Variants in PHACTR1 observed in about 807,000 individuals in gnomAD.
The protein encoded by PHACTR1 is phosphatase and actin regulator 1.
Under a neutral mutation model 69.2 loss-of-function variants are expected in PHACTR1, and 16 were observed. That is an observed-to-expected ratio of 0.23 (90% CI 0.16 to 0.35). The LOEUF is 0.35. Ranked by LOEUF, PHACTR1 falls within the 10% of genes least tolerant of loss-of-function variation. The probability of loss-of-function intolerance (pLI) is 1.00; values close to 1 mark genes in which losing one functional copy is unlikely to be tolerated. For missense variants in PHACTR1, 510 were observed against 734.7 expected (o/e 0.69, Z 3.54); for synonymous variants, 312 against 284.5 (o/e 1.10, Z -0.97).
chr6:12,983,609 C>T (rs1033835873), intron 4 of PHACTR1, among the ~76,000 whole-genome samples: 2 of 152,084 alleles, frequency 1.3e-5, no homozygotes, highest in African/African-American at 4.8e-5. Flanking sequence ...AGGTTTGTTA[C>T]ATATGTATCC....
intron 6 of PHACTR1, among the ~76,000 whole-genome samples, chr6:13,173,857 G>A (rs181099910): frequency 5.3e-5 from 8 of 152,248 alleles, no homozygotes; most frequent in East Asian, 1.9e-4. Context: ...ACAGGCATGC[G>A]CCACAACGCC....
chr6:13,245,771 G>A lies in PHACTR1; in HGVS notation c.1391+15578G>A, dbSNP rs1054311052. Among the ~76,000 whole-genome samples the A allele has an allele frequency of 1.3e-5, 2 of 152,084 alleles. No individual in the cohort carries two copies. The highest frequency in any genetic ancestry group is 2.9e-5 in the Non-Finnish European group (2 of 68,002). On this transcript the variant is annotated intron_variant, in intron 10 of 14. Coordinates refer to ENST00000332995, the MANE Select transcript of PHACTR1 (RefSeq NM_030948.6). The surrounding 1 kb of genome is among the most constrained non-coding windows in gnomAD (Gnocchi z 4.1). Reference sequence around the variant, plus strand: ...GGTATTTCCTAGGTTATCTTCCAGGGTTTTTATAGTTTTAGGTTTTAAGTC... The same window carrying A: ...GGTATTTCCTAGGTTATCTTCCAGGATTTTTATAGTTTTAGGTTTTAAGTC...
chr6:12,933,687 C>CT, intron 4 of PHACTR1: 1 of 1,612,830 alleles, frequency 6.2e-7, no homozygotes, highest in Non-Finnish European at 8.5e-7. Context: ...GCAGTGCCAA[C>CT]TCTTGGGCGT....
intron 5 of PHACTR1, among the ~76,000 whole-genome samples, chr6:13,090,004 A>G (rs1329437641): frequency 6.6e-6 from 1 of 152,194 alleles, no homozygotes; most frequent in Non-Finnish European, 1.5e-5. Context: ...CCAGAAGCTA[A>G]GTAGTATAAT....
At chr6:12,934,966 A>C (rs1372479166) in intron 4 of PHACTR1, among the ~76,000 whole-genome samples, 1 of 152,200 alleles carries the variant, frequency 6.6e-6, no homozygotes, top group Non-Finnish European at 1.5e-5. Context: ...TCCCAGCTCT[A>C]TCCCTCACCA....
intron 4 of PHACTR1, among the ~76,000 whole-genome samples, chr6:12,943,026 A>G (rs1790210177): frequency 6.6e-6 from 1 of 152,248 alleles, no homozygotes; most frequent in Non-Finnish European, 1.5e-5. Context: ...CAGATATCCT[A>G]AAGAATTAGA....
intron 4 of PHACTR1, among the ~76,000 whole-genome samples, chr6:12,753,927 C>A (rs533256219): frequency 4.0e-5 from 6 of 149,168 alleles, no homozygotes; most frequent in African/African-American, 1.2e-4. Context: ...TGAGAACTGT[C>A]CCTAGGCAAG....
At chr6:13,128,667 C>T (rs1819930709) in intron 5 of PHACTR1, among the ~76,000 whole-genome samples, 1 of 151,724 alleles carries the variant, frequency 6.6e-6, no homozygotes, top group East Asian at 1.9e-4. Flanking sequence ...AATCACCAAA[C>T]CTAAGAATAA....
At chr6:13,163,929 A>G (rs1759411993) in intron 6 of PHACTR1, among the ~76,000 whole-genome samples, 1 of 152,034 alleles carries the variant, frequency 6.6e-6, no homozygotes, top group Admixed American at 6.6e-5. Context: ...TGGTAGTCTC[A>G]TCATCATCAT....
intron 4 of PHACTR1, among the ~76,000 whole-genome samples, chr6:12,959,047 C>A (rs1792283581): frequency 6.6e-6 from 1 of 151,758 alleles, no homozygotes; most frequent in African/African-American, 2.4e-5. Flanking sequence ...TGTGGTGGCA[C>A]ACACCTGTAG....
chr6:12,953,958 T>C (rs2127556622), intron 4 of PHACTR1, among the ~76,000 whole-genome samples: 1 of 152,300 alleles, frequency 6.6e-6, no homozygotes, highest in East Asian at 1.9e-4. Flanking sequence ...TATAGTTGAA[T>C]GTGATAAAAG....
rs1806290168 is a variant in PHACTR1, at chr6:13,053,424, A to T, written c.310A>T (p.Thr104Ser). 6.2e-7 allele frequency: 1 copy of T among 1,613,670 alleles called. No homozygotes were observed. Among genetic ancestry groups the T allele is most frequent in the Non-Finnish European group, 8.5e-7 (1 of 1,179,762 alleles). ...RSDSLVPGTHTPPIRRRSKFA... is the reference protein window; with the variant it reads ...RSDSLVPGTHSPPIRRRSKFA... ...TGACTCCCTCGTCCCAGGCACCCAC[A>T]CCCCACCCATCCGCAGGAGAAGTAA... Residue 104 changes from threonine to serine, a missense_variant, in exon 5 of 15, where the codon ACC (threonine) becomes TCC (serine). Thr to Ser is a moderately conservative substitution (Grantham distance 58). This residue lies in a region of PHACTR1 where 419 missense variants were observed against 530.9 expected (regional missense o/e 0.79). Coordinates refer to ENST00000332995, the MANE Select transcript of PHACTR1 (RefSeq NM_030948.6).
intron 10 of PHACTR1, among the ~76,000 whole-genome samples, chr6:13,255,652 G>A (rs901593882): frequency 4.6e-5 from 7 of 152,188 alleles, no homozygotes; most frequent in African/African-American, 1.7e-4. Context: ...GGGGCTACAG[G>A]CCCCATGTAA....
intron 4 of PHACTR1, among the ~76,000 whole-genome samples, chr6:12,829,273 A>G (rs1581956544): frequency 6.6e-6 from 1 of 152,216 alleles, no homozygotes; most frequent in African/African-American, 2.4e-5. Context: ...GAAAAACAAC[A>G]GCATAGAGGC....
Position 12,890,081 on chromosome 6 carries a change from C to T in PHACTR1, c.250+140291C>T, listed in dbSNP as rs570499661. On this transcript the variant is annotated intron_variant, in intron 4 of 14. Coordinates refer to ENST00000332995, the MANE Select transcript of PHACTR1 (RefSeq NM_030948.6). Reference sequence around the variant, plus strand: ...GAGCGAGGGCTAGTGAGCATTCCCGCCTGAGCTCCATCTCCTACCAAATCA... The same window carrying T: ...GAGCGAGGGCTAGTGAGCATTCCCGTCTGAGCTCCATCTCCTACCAAATCA... Among the ~76,000 whole-genome samples the T allele has an allele frequency of 2.6e-5, 4 of 152,206 alleles. No individual in the cohort carries two copies. In the South Asian group the frequency reaches 8.3e-4, roughly 32 times the overall value.
intron 4 of PHACTR1, among the ~76,000 whole-genome samples, chr6:12,874,216 T>C (rs1460729100): frequency 6.6e-6 from 1 of 152,188 alleles, no homozygotes; most frequent in Non-Finnish European, 1.5e-5. Flanking sequence ...ATCCAGGTAA[T>C]GTCAGTGTTG....
chr6:12,746,870 T>A (rs1040194973), intron 3 of PHACTR1, among the ~76,000 whole-genome samples: 3 of 152,138 alleles, frequency 2.0e-5, no homozygotes, highest in Non-Finnish European at 2.9e-5. Flanking sequence ...GAATTCCAAA[T>A]TCTGAACAAT....
intron 5 of PHACTR1, among the ~76,000 whole-genome samples, chr6:13,151,874 T>G (rs1227793205): frequency 6.6e-6 from 1 of 152,182 alleles, no homozygotes; most frequent in Non-Finnish European, 1.5e-5. Context: ...TCTTGATTTC[T>G]TGAGTTTTTT....
intron 4 of PHACTR1, among the ~76,000 whole-genome samples, chr6:12,906,172 A>G (rs1304007833): frequency 2.4e-5 from 3 of 126,276 alleles, no homozygotes; most frequent in Non-Finnish European, 5.4e-5. Context: ...GGTTTTCACC[A>G]GTTAGAATGA....
Sources: allele counts gnomAD v4.1 joint callset (sites outside exome capture counted in the v4.1 genomes callset), GRCh38; gene constraint gnomAD v4.1.1; regional missense constraint gnomAD v4.1.1; non-coding constraint Gnocchi (gnomAD v3.1); transcripts MANE v1.5; gene names NCBI Gene and HGNC (gene_info 2026-07-23, HGNC 2026-07-21).